The following FUT8 variants were observed in gnomAD, a reference collection of about 807,000 sequenced individuals.
FUT8 encodes the protein alpha-(1,6)-fucosyltransferase.
A neutral mutation model predicts 71.3 loss-of-function variants in FUT8; 29 were observed. The ratio of observed to expected loss-of-function variants is 0.41; its 90% CI spans 0.30 to 0.55. The LOEUF (loss-of-function observed/expected upper bound fraction) is 0.55, where lower values mean the gene tolerates loss of function less well. FUT8 is among the 20% of genes least tolerant of loss of function. FUT8 has a pLI of 0.34. For synonymous variants in FUT8, 254 were observed against 239.3 expected, an observed-to-expected ratio of 1.06 and a Z score of -0.57; for missense variants, 544 against 702.1, an observed-to-expected ratio of 0.77 and a Z score of 2.55.
In FUT8 at chr14:65,643,525, G is replaced by T. The variant is rs1681614332; in HGVS notation, c.597+13919G>T. On this transcript the variant is annotated intron_variant, in intron 6 of 10. Transcript: ENST00000673929. The surrounding 1 kb of genome is among the most constrained non-coding windows in gnomAD (Gnocchi z 4.5). ...AAAGATTAGCCGGGCGTGGTGGCGG[G>T]CACCTGTAGTCTCAGCTACTCAGGA... Among the ~76,000 whole-genome samples, 1 of 152,086 alleles carries T rather than the reference G, an allele frequency of 6.6e-6. No individual in the cohort carries two copies. The highest frequency in any genetic ancestry group is 2.4e-5 in the African/African-American group (1 of 41,410).
At chr14:65,500,351 TGTC>T (rs1234636990) in intron 2 of FUT8, among the ~76,000 whole-genome samples, 1 of 152,012 alleles carries the variant, frequency 6.6e-6, no homozygotes, top group African/African-American at 2.4e-5. Flanking sequence ...TCGTCATCAT[TGTC>T]GTCATCATCA....
intron 3 of FUT8, among the ~76,000 whole-genome samples, chr14:65,569,402 T>C (rs1214967099): frequency 6.6e-6 from 1 of 151,794 alleles, no homozygotes; most frequent in Non-Finnish European, 1.5e-5. Context: ...TCTTTCATGA[T>C]CTAATTTCTC....
chr14:65,498,362 C>G (rs780435414), intron 2 of FUT8, among the ~76,000 whole-genome samples: 4 of 152,164 alleles, frequency 2.6e-5, no homozygotes, highest in Non-Finnish European at 5.9e-5. Context: ...CTTTAGCCCA[C>G]AAATCTTTTT....
At chr14:65,539,043 ATT>A (rs1166845593) in intron 2 of FUT8, among the ~76,000 whole-genome samples, 3 of 152,226 alleles carry the variant, frequency 2.0e-5, no homozygotes, top group African/African-American at 7.2e-5. Flanking sequence ...AAATGAAGAC[ATT>A]TAATTATTCA....
Position 65,624,794 on chromosome 14 carries a change from C to T in FUT8, c.483-4698C>T, listed in dbSNP as rs114948496. 3.5e-3 allele frequency among the ~76,000 whole-genome samples: 537 copies of T among 152,304 alleles called. 2 individuals are homozygous for T. Among genetic ancestry groups the T allele is most frequent in the African/African-American group, 0.012 (504 of 41,570 alleles). On this transcript the variant is annotated intron_variant, in intron 5 of 10. Coordinates refer to ENST00000673929, the MANE Select transcript of FUT8 (RefSeq NM_001371533.1). ...TACTGTTATTTAAAACTGAGACTTG[C>T]GCCTGCGCAGTGGCTCACACCTGTA...
intron 2 of FUT8, among the ~76,000 whole-genome samples, chr14:65,455,954 TTTAAA>T (rs1471087836): frequency 1.3e-5 from 2 of 152,216 alleles, no homozygotes; most frequent in Non-Finnish European, 2.9e-5. Context: ...AGTTTTGTAC[TTTAAA>T]TTATGGGGCT....
At chr14:65,448,544 A>T (rs17826580) in intron 1 of FUT8, among the ~76,000 whole-genome samples, 1 of 152,166 alleles carries the variant, frequency 6.6e-6, no homozygotes, top group Non-Finnish European at 1.5e-5. Flanking sequence ...GATAAGTAGA[A>T]GGGATATTGG....
intron 2 of FUT8, among the ~76,000 whole-genome samples, chr14:65,485,574 C>G (rs1159393132): frequency 1.3e-5 from 2 of 152,206 alleles, no homozygotes; most frequent in African/African-American, 4.8e-5. Context: ...GCATGATTAT[C>G]CATCACTATT....
At chr14:65,412,047 C>T (rs764787191), upstream of FUT8, 67 of 456,754 alleles carry the variant, frequency 1.5e-4, no homozygotes, top group South Asian at 3.6e-4. Context: ...TGTTCTCTTT[C>T]CCGTACTAAA....
At chr14:65,455,560 A>T (rs929125296) in intron 1 of FUT8, 61 bp from the exon 2 acceptor site, 15 of 397,560 alleles carry the variant, frequency 3.8e-5, no homozygotes, top group Non-Finnish European at 5.8e-5. Context: ...AAAAAATTAT[A>T]TAATAATGCT....
At chr14:65,362,744 C>T in the FUT8 span, among the ~76,000 whole-genome samples, 2 of 151,960 alleles carry the variant, frequency 1.3e-5, no homozygotes, top group African/African-American at 2.4e-5. Flanking sequence ...GGGTGAATCA[C>T]AAGGTCAGGA....
upstream of FUT8, among the ~76,000 whole-genome samples, chr14:65,408,491 G>A (rs2065095524): frequency 6.6e-6 from 1 of 152,166 alleles, no homozygotes; most frequent in African/African-American, 2.4e-5. Flanking sequence ...CCATATTAGG[G>A]AACCCATTTA....
At chr14:65,380,241 G>GAAACACCTGAT in the FUT8 span, among the ~76,000 whole-genome samples, 1 of 152,150 alleles carries the variant, frequency 6.6e-6, no homozygotes, top group South Asian at 2.1e-4. Flanking sequence ...AGCAAAAGCA[G>GAAACACCTGAT]AAACCCATCA....
intron 3 of FUT8, among the ~76,000 whole-genome samples, chr14:65,562,217 T>A (rs1885951197): frequency 6.6e-6 from 1 of 152,126 alleles, no homozygotes; most frequent in Non-Finnish European, 1.5e-5. Context: ...TACTTACATT[T>A]CATTTACAGT....
At chr14:65,654,631 T>C (rs938344195) in intron 6 of FUT8, among the ~76,000 whole-genome samples, 1 of 151,724 alleles carries the variant, frequency 6.6e-6, no homozygotes. Flanking sequence ...TTTAAAACAC[T>C]ATAGAAGACC....
intron 10 of FUT8, among the ~76,000 whole-genome samples, chr14:65,740,377 G>A (rs180891013): frequency 3.9e-5 from 6 of 152,050 alleles, no homozygotes; most frequent in African/African-American, 7.2e-5. Context: ...TTTGAGAATT[G>A]CCCCTCAAGT....
chr14:65,662,328 G>C (rs1047822460), intron 6 of FUT8, among the ~76,000 whole-genome samples: 3 of 152,136 alleles, frequency 2.0e-5, no homozygotes, highest in African/African-American at 7.2e-5. Flanking sequence ...TGAGGTTGTG[G>C]TGAACTGTGA....
the FUT8 span, among the ~76,000 whole-genome samples, chr14:65,386,598 C>T: frequency 2.0e-5 from 3 of 150,072 alleles, no homozygotes; most frequent in African/African-American, 4.9e-5. Flanking sequence ...CCTTCCTCTA[C>T]TTTCTGGAAC....
the FUT8 span, among the ~76,000 whole-genome samples, chr14:65,385,755 T>C: frequency 2.0e-5 from 3 of 152,210 alleles, no homozygotes; most frequent in East Asian, 5.9e-4. Flanking sequence ...TTGCCCAGGC[T>C]GGTCTCAAAC....
Sources: gnomAD v4.1 joint callset for allele counts (sites outside exome capture counted in the v4.1 genomes callset) on GRCh38, gnomAD v4.1.1 for gene constraint, Gnocchi (gnomAD v3.1) non-coding constraint, MANE v1.5 for transcripts, NCBI Gene and HGNC (gene_info 2026-07-23, HGNC 2026-07-21) for gene names.